BLTP1: variants seen among roughly 807,000 people sequenced by gnomAD.
The protein encoded by BLTP1 is bridge-like lipid transfer protein family member 1, also known as fragile site-associated protein.
the BLTP1 span, chr4:122,355,988 A>C: frequency 6.3e-7 from 1 of 1,588,444 alleles, no homozygotes; most frequent in Admixed American, 1.7e-5. Context: ...CCTTCATTAC[A>C]GGGTATGTAG....
At chr4:122,240,127 T>C in the BLTP1 span, 4 of 1,614,150 alleles carry the variant, frequency 2.5e-6, no homozygotes, top group South Asian at 3.3e-5. Flanking sequence ...CTATATATTG[T>C]AGAAGGTGAG....
the BLTP1 span, among the ~76,000 whole-genome samples, chr4:122,267,341 G>T: frequency 4.6e-5 from 7 of 152,116 alleles, no homozygotes; most frequent in African/African-American, 1.7e-4. Context: ...TTACAGGCGT[G>T]AGCCATCGTG....
At chr4:122,318,307 A>C in the BLTP1 span, 2 of 1,566,690 alleles carry the variant, frequency 1.3e-6, no homozygotes, top group Non-Finnish European at 1.7e-6. Context: ...TGGTGACAAA[A>C]CCACCTGACT....
At chr4:122,206,016 C>T in the BLTP1 span, 1 of 983,514 alleles carries the variant, frequency 1.0e-6, no homozygotes, top group Non-Finnish European at 1.2e-6. Flanking sequence ...CTTTAAAGAG[C>T]TTTTATTTAT....
At chr4:122,201,237 T>G in the BLTP1 span, 2 of 789,586 alleles carry the variant, frequency 2.5e-6, no homozygotes, top group African/African-American at 1.8e-5. Context: ...TCATATTTTC[T>G]TCAACATTTC....
chr4:122,173,091 T>C, the BLTP1 span: 7 of 1,611,880 alleles, frequency 4.3e-6, no homozygotes, highest in Non-Finnish European at 5.1e-6. Flanking sequence ...ATTCCCGGAA[T>C]GTTGGTCTTA....
the BLTP1 span, chr4:122,182,575 C>T: frequency 1.2e-5 from 10 of 862,340 alleles, no homozygotes; most frequent in Non-Finnish European, 1.3e-5. Context: ...CACTCATCAT[C>T]ATGCATGCTC....
At chr4:122,355,492 A>G in the BLTP1 span, among the ~76,000 whole-genome samples, 3 of 150,856 alleles carry the variant, frequency 2.0e-5, no homozygotes, top group South Asian at 6.3e-4. Context: ...GGTTTATACA[A>G]ATCCCATTAT....
the BLTP1 span, chr4:122,164,272 A>G: frequency 2.2e-5 from 9 of 400,038 alleles, no homozygotes; most frequent in Middle Eastern, 2.5e-3. Context: ...TTAGGCAAAA[A>G]AAGCCGTTTT....
the BLTP1 span, chr4:122,239,492 T>C: frequency 2.7e-6 from 4 of 1,497,216 alleles, no homozygotes; most frequent in South Asian, 4.0e-5. Flanking sequence ...TAGAAAATGG[T>C]AATAGCTTTG....
the BLTP1 span, chr4:122,192,283 A>T: frequency 1.2e-6 from 2 of 1,613,668 alleles, no homozygotes; most frequent in Middle Eastern, 3.3e-4. Flanking sequence ...AGCAGTGAGG[A>T]TTGCAAATTA....
At chr4:122,354,026 T>G in the BLTP1 span, 3 of 1,611,274 alleles carry the variant, frequency 1.9e-6, no homozygotes, top group Non-Finnish European at 2.5e-6. Flanking sequence ...AGGTTAAAAT[T>G]TTGAGTCTTT....
the BLTP1 span, chr4:122,254,636 A>AT: frequency 0.99 from 767,643 of 778,736 alleles, 378,545 homozygotes; most frequent in East Asian, 1. Context: ...TCTATTGTCC[A>AT]TTTTTTTTAA....
At chr4:122,174,415 A>G in the BLTP1 span, 16 of 948,582 alleles carry the variant, frequency 1.7e-5, no homozygotes, top group African/African-American at 3.6e-5. Context: ...TATTGGGGAA[A>G]GAATGATGGA....
the BLTP1 span, chr4:122,261,259 T>A: frequency 5.1e-6 from 5 of 981,978 alleles, no homozygotes; most frequent in Non-Finnish European, 6.0e-6. Context: ...TAATCTGTCT[T>A]AGCTTTTTTT....
the BLTP1 span, among the ~76,000 whole-genome samples, chr4:122,310,095 G>C: frequency 1.3e-3 from 205 of 152,046 alleles, no homozygotes; most frequent in Middle Eastern, 3.4e-3. Flanking sequence ...GAGTTAAAAG[G>C]TTATGAACTA....
chr4:122,247,078 A>C, the BLTP1 span: 3 of 1,462,936 alleles, frequency 2.1e-6, no homozygotes, highest in South Asian at 2.6e-5. Flanking sequence ...TTTTTTTTAA[A>C]GGAAACCTTT....
chr4:122,224,831 T>C, the BLTP1 span: 4 of 1,538,992 alleles, frequency 2.6e-6, no homozygotes, highest in Non-Finnish European at 2.6e-6. Flanking sequence ...GAATTTTAGT[T>C]ATAGGTGAAT....
the BLTP1 span, among the ~76,000 whole-genome samples, chr4:122,279,427 A>G: frequency 6.6e-6 from 1 of 152,196 alleles, no homozygotes; most frequent in Non-Finnish European, 1.5e-5. Flanking sequence ...TAAAGCATCA[A>G]TGATTTTGCT....
Sources: allele counts gnomAD v4.1 joint callset (sites outside exome capture counted in the v4.1 genomes callset), GRCh38; gene constraint gnomAD v4.1.1; transcripts MANE v1.5; gene names NCBI Gene and HGNC (gene_info 2026-07-23, HGNC 2026-07-21).